The following ERP27 variants were observed in gnomAD, a reference collection of about 807,000 sequenced individuals.
ERP27 encodes the protein endoplasmic reticulum protein 27, also known as endoplasmic reticulum resident protein 27.
In ERP27, 23 loss-of-function variants were observed where a neutral mutation model predicts 27.7. The observed-to-expected ratio is 0.83, with a 90% CI of 0.60 to 1.18. ERP27 has a LOEUF of 1.18. ERP27 is among the 50% of genes most tolerant of loss of function. The pLI is 0.00. For synonymous variants in ERP27, 159 were observed against 118.3 expected, an observed-to-expected ratio of 1.34 and a Z score of -2.23; for missense variants, 363 against 327.9, an observed-to-expected ratio of 1.11 and a Z score of -0.83.
At chr12:14,931,577 C>T (rs1863697500) in intron 3 of ERP27, among the ~76,000 whole-genome samples, 1 of 152,046 alleles carries the variant, frequency 6.6e-6, no homozygotes. Flanking sequence ...CCACAGAGGT[C>T]CCAAGAGTTC....
rs531601089 is a variant in ERP27 at position 14,914,996 on chromosome 12, C to T, written c.775-214G>A. Reference sequence around the variant, plus strand: ...ACATGCTTTTCTAGTTTGAGTCTCACGATATATCCTAACAAGCATCCTGAC... The same window carrying T: ...ACATGCTTTTCTAGTTTGAGTCTCATGATATATCCTAACAAGCATCCTGAC... On this transcript the variant is annotated intron_variant, in intron 6 of 6. Transcript: ENST00000266397. Among the ~76,000 whole-genome samples, 10 of 152,162 alleles carry T rather than the reference C, an allele frequency of 6.6e-5. No homozygotes were observed. The South Asian group carries it at 1.5e-3, about 22-fold the overall frequency.
intron 3 of ERP27, among the ~76,000 whole-genome samples, chr12:14,931,549 G>A (rs1186586574): frequency 6.6e-6 from 1 of 152,128 alleles, no homozygotes; most frequent in Non-Finnish European, 1.5e-5. Flanking sequence ...TTCTGGTATG[G>A]CACATAAATA....
At chr12:14,917,671 G>T (rs139355283) in intron 4 of ERP27, among the ~76,000 whole-genome samples, 47 of 152,282 alleles carry the variant, frequency 3.1e-4, no homozygotes, top group Non-Finnish European at 5.6e-4. Context: ...GAGGAGAAAC[G>T]CATGGCCAGG....
intron 3 of ERP27, among the ~76,000 whole-genome samples, chr12:14,923,095 C>T (rs939557327): frequency 1.4e-5 from 2 of 147,710 alleles, no homozygotes; most frequent in African/African-American, 5.0e-5. Flanking sequence ...AAAAAAAATG[C>T]TAAGATCCTT....
intron 4 of ERP27, among the ~76,000 whole-genome samples, chr12:14,918,002 G>A (rs1011521232): frequency 2.6e-5 from 4 of 152,204 alleles, no homozygotes; most frequent in African/African-American, 9.6e-5. Flanking sequence ...CTTGTTGCAA[G>A]ACTAGTCAGA....
intron 3 of ERP27, among the ~76,000 whole-genome samples, chr12:14,928,405 G>A (rs1459292221): frequency 6.6e-6 from 1 of 152,160 alleles, no homozygotes; most frequent in Non-Finnish European, 1.5e-5. Context: ...TCCCATTGGG[G>A]TAACTAAAAG....
chr12:14,928,895 C>CA (rs941169823), intron 3 of ERP27: 63 of 1,518,844 alleles, frequency 4.1e-5, no homozygotes, highest in African/African-American at 1.5e-4. Flanking sequence ...AATGAGCACA[C>CA]AAAAAAATAA....
At chr12:14,926,049 A>G (rs186084015) in intron 3 of ERP27, among the ~76,000 whole-genome samples, 5 of 152,042 alleles carry the variant, frequency 3.3e-5, no homozygotes, top group Admixed American at 2.0e-4. Context: ...AGCCTGGGCA[A>G]CAGAGCAAGA....
At chr12:14,916,947 A>G (rs1252367413) in intron 5 of ERP27, among the ~76,000 whole-genome samples, 1 of 152,212 alleles carries the variant, frequency 6.6e-6, no homozygotes, top group African/African-American at 2.4e-5. Context: ...TCAATGCAGG[A>G]AAAAACCCAC....
intron 3 of ERP27, 43 bp from the exon 4 acceptor site, chr12:14,921,091 T>C (rs752772114): frequency 2.6e-6 from 4 of 1,526,816 alleles, no homozygotes; most frequent in Non-Finnish European, 1.8e-6. Flanking sequence ...TCCATCTTTT[T>C]TTCATGTATT....
intron 5 of ERP27, among the ~76,000 whole-genome samples, chr12:14,916,540 G>A (rs753683892): frequency 6.6e-6 from 1 of 152,268 alleles, no homozygotes; most frequent in South Asian, 2.1e-4. Context: ...TCAACCCAAA[G>A]TAGAAATCTT....
chr12:14,934,107 TTA>T (rs1272525507), intron 3 of ERP27, among the ~76,000 whole-genome samples: 1 of 152,232 alleles, frequency 6.6e-6, no homozygotes, highest in Non-Finnish European at 1.5e-5. Flanking sequence ...TTTCTTTCTC[TTA>T]TATTCATTTT....
intron 3 of ERP27, among the ~76,000 whole-genome samples, chr12:14,926,651 C>G (rs1863607249): frequency 6.6e-6 from 1 of 152,016 alleles, no homozygotes; most frequent in Admixed American, 6.5e-5. Flanking sequence ...TTTCACTTCT[C>G]AGAACCTAAT....
intron 5 of ERP27, 111 bp from the exon 6 acceptor site, chr12:14,915,797 C>T (rs1337541893): frequency 5.3e-6 from 5 of 946,208 alleles, no homozygotes; most frequent in African/African-American, 3.3e-5. Context: ...TGGTCTGCAC[C>T]ATGAAATTGA....
intron 3 of ERP27, chr12:14,929,144 C>T (rs550275029): frequency 1.3e-5 from 19 of 1,426,182 alleles, no homozygotes; most frequent in Non-Finnish European, 1.6e-5. Flanking sequence ...AGAATCCCCC[C>T]CTCCCTGTAC....
chr12:14,936,085 C>A (rs1201084839), intron 2 of ERP27, among the ~76,000 whole-genome samples: 3 of 151,942 alleles, frequency 2.0e-5, no homozygotes, highest in Non-Finnish European at 4.4e-5. Flanking sequence ...AATAAACTGG[C>A]TTTTCCTCCC....
intron 3 of ERP27, among the ~76,000 whole-genome samples, chr12:14,929,508 A>G (rs115001175): frequency 0.015 from 2,281 of 152,322 alleles, 61 homozygotes; most frequent in African/African-American, 0.052. Flanking sequence ...CCCAGGAACC[A>G]AGAGTTGGAA....
chr12:14,923,492 A>ATCTATCTATCT (rs1555098900), intron 3 of ERP27, among the ~76,000 whole-genome samples: 1,790 of 141,206 alleles, frequency 0.013, 19 homozygotes, highest in Middle Eastern at 0.029. Context: ...ATCTATAATC[A>ATCTATCTATCT]ATCTATCTAT....
In ERP27 at chr12:14,914,594, G is replaced by T; in HGVS notation, c.*141C>A. 3.2e-6 allele frequency: 2 copies of T among 622,924 alleles called. No individual in the cohort carries two copies. Among genetic ancestry groups the T allele is most frequent in the South Asian group, 1.9e-5 (1 of 51,336 alleles). The allele number at this position is 622,924 out of a possible 1,614,324, so 38.6% of individuals were successfully genotyped here. A position where few individuals can be genotyped will look rare whatever the true frequency, so the allele number is the denominator to read the frequency against. On this transcript the variant is annotated 3_prime_UTR_variant, in exon 7 of 7. Transcript: ENST00000266397. ...TGTGTGTGTGCGTGTGTGTGTGCAC[G>T]CGTGCGTGCGTGTGTGCACGTGCGT...
Sources: gnomAD v4.1 joint callset for allele counts (sites outside exome capture counted in the v4.1 genomes callset) on GRCh38, gnomAD v4.1.1 for gene constraint, MANE v1.5 for transcripts, NCBI Gene and HGNC (gene_info 2026-07-23, HGNC 2026-07-21) for gene names.